The following ESR1 variants were observed in gnomAD, a reference collection of about 807,000 sequenced individuals.
The protein encoded by ESR1 is estrogen receptor.
In ESR1, 12 loss-of-function variants were observed where a neutral mutation model predicts 52.7. That is an observed-to-expected ratio of 0.23 (90% CI 0.15 to 0.37). The LOEUF is 0.37. Ranked by LOEUF, ESR1 falls within the 10% of genes least tolerant of loss-of-function variation. The pLI, the probability that ESR1 is intolerant of heterozygous loss-of-function variation, is 1.00. For synonymous variants in ESR1, 305 were observed against 316.8 expected (o/e 0.96, Z 0.39); for missense variants, 584 against 779.7 (o/e 0.75, Z 2.99).
chr6:152,005,478 G>A (rs2042258719), intron 4 of ESR1, among the ~76,000 whole-genome samples: 1 of 152,002 alleles, frequency 6.6e-6, no homozygotes, highest in Non-Finnish European at 1.5e-5. Flanking sequence ...TAAGTTTGAA[G>A]TTATAAACCT....
At chr6:152,067,633 C>G (rs982033293) in intron 6 of ESR1, among the ~76,000 whole-genome samples, 1 of 152,132 alleles carries the variant, frequency 6.6e-6, no homozygotes, top group Non-Finnish European at 1.5e-5. Context: ...CCAGAACAGC[C>G]TGGCCAACAC....
intron 2 of ESR1, among the ~76,000 whole-genome samples, chr6:151,756,407 C>T (rs1200566763): frequency 6.6e-6 from 1 of 152,116 alleles, no homozygotes; most frequent in Non-Finnish European, 1.5e-5. Flanking sequence ...GCCACCATGC[C>T]TGGCTAATTT....
chr6:151,869,450 A>G (rs530684079), intron 2 of ESR1, among the ~76,000 whole-genome samples: 2 of 152,294 alleles, frequency 1.3e-5, no homozygotes, highest in South Asian at 4.1e-4. Flanking sequence ...GAGCCCTGAG[A>G]AGCATTACTG....
At chr6:151,858,197 G>C (rs12664989) in intron 2 of ESR1, among the ~76,000 whole-genome samples, 5,423 of 152,258 alleles carry the variant, frequency 0.036, 296 homozygotes, top group East Asian at 0.23. Context: ...ACATCAGGTA[G>C]CTGAGGCCAA....
chr6:152,109,691 G>A (rs1374145266), intron 6 of ESR1, among the ~76,000 whole-genome samples: 1 of 152,036 alleles, frequency 6.6e-6, no homozygotes, highest in East Asian at 1.9e-4. Flanking sequence ...TGTCTCAAAC[G>A]ATAACAACAA....
At chr6:152,033,745 A>G (rs1562701419) in intron 5 of ESR1, among the ~76,000 whole-genome samples, 1 of 152,210 alleles carries the variant, frequency 6.6e-6, no homozygotes, top group Non-Finnish European at 1.5e-5. Context: ...GCGATTCCTC[A>G]GGGATCTAGA....
At position 151,944,367 on chromosome 6, in the gene ESR1, T is replaced by C. The variant is rs756874969; in HGVS notation, c.955T>C (p.Leu319=). ...SLTADQMVSA[L]LDAEPPILYS... ...GACGGCCGACCAGATGGTCAGTGCC[T>C]TGTTGGATGCTGAGCCCCCGATACT... The change falls in exon 4 of 8, where the codon TTG becomes CTG. Residue 319 remains leucine (L), a synonymous_variant. Coordinates refer to ENST00000206249, the MANE Select transcript of ESR1 (RefSeq NM_000125.4). 6.2e-7 allele frequency: 1 copy of C among 1,614,016 alleles called. No homozygotes were observed. The highest frequency in any genetic ancestry group is 8.5e-7 in the Non-Finnish European group (1 of 1,179,928).
chr6:151,858,522 C>A (rs762047620), intron 2 of ESR1, among the ~76,000 whole-genome samples: 1 of 152,026 alleles, frequency 6.6e-6, no homozygotes, highest in Non-Finnish European at 1.5e-5. Flanking sequence ...AGTGCCTGAC[C>A]CTCACTTTGA....
At chr6:151,727,510 T>C (rs1451888112) in intron 2 of ESR1, among the ~76,000 whole-genome samples, 2 of 152,216 alleles carry the variant, frequency 1.3e-5, no homozygotes, top group African/African-American at 4.8e-5. Flanking sequence ...CTGGATTCAT[T>C]AATTTTCAAA....
At chr6:151,749,339 G>A (rs1783728609) in intron 2 of ESR1, among the ~76,000 whole-genome samples, 1 of 151,954 alleles carries the variant, frequency 6.6e-6, no homozygotes, top group African/African-American at 2.4e-5. Context: ...GAAAGGTTTT[G>A]ACACATGTGT....
chr6:151,680,491 T>C (rs852000), intron 1 of ESR1, among the ~76,000 whole-genome samples: 87,689 of 151,994 alleles, frequency 0.58, 25,548 homozygotes, highest in African/African-American at 0.67. Context: ...TGAGCCACCA[T>C]GCCCGGCCAG....
At position 152,016,003 on chromosome 6, in the gene ESR1, G is replaced by A. The variant is rs1282909930; in HGVS notation, c.1235+4209G>A. Among the ~76,000 whole-genome samples the A allele has an allele frequency of 5.9e-5, 9 of 152,086 alleles. No individual in the cohort carries two copies. In the South Asian group the frequency reaches 8.3e-4, roughly 14 times the overall value. The stretch of plus-strand genomic sequence containing the variant: ...CACCTTTAATTGTAATAATCCCCAG[G>A]TGTCAAGGGTGGGGCCAGGTGGAGA... On this transcript the variant is annotated intron_variant, in intron 5 of 7. Transcript: ENST00000206249.
At chr6:151,806,367 C>T (rs1239048813), upstream of ESR1, among the ~76,000 whole-genome samples, 1 of 151,932 alleles carries the variant, frequency 6.6e-6, no homozygotes, top group African/African-American at 2.4e-5. Flanking sequence ...ATGAACACTT[C>T]GTCAGATACT....
At chr6:152,022,656 C>T (rs1391642718) in intron 5 of ESR1, among the ~76,000 whole-genome samples, 1 of 151,780 alleles carries the variant, frequency 6.6e-6, no homozygotes, top group Non-Finnish European at 1.5e-5. Flanking sequence ...TTCCTTGTTC[C>T]AAAGGAAGGG....
chr6:152,080,698 C>T (rs1319973711), intron 6 of ESR1, among the ~76,000 whole-genome samples: 2 of 152,122 alleles, frequency 1.3e-5, no homozygotes, highest in Admixed American at 6.5e-5. Context: ...AATTAAAAGA[C>T]ACAGACTGGC....
At chr6:152,123,657 C>G (rs755139373) in intron 6 of ESR1, among the ~76,000 whole-genome samples, 87 of 152,244 alleles carry the variant, frequency 5.7e-4, no homozygotes, top group Non-Finnish European at 1.1e-3. Context: ...TTACGACAGG[C>G]ATTTGGTGTA....
intron 3 of ESR1, among the ~76,000 whole-genome samples, chr6:151,918,285 C>T (rs1449543281): frequency 6.6e-6 from 1 of 152,178 alleles, no homozygotes; most frequent in Non-Finnish European, 1.5e-5. Context: ...AGATCTGCCA[C>T]CCTGGTAGGC....
chr6:152,089,930 A>G (rs2050046497), intron 6 of ESR1, among the ~76,000 whole-genome samples: 1 of 152,204 alleles, frequency 6.6e-6, no homozygotes, highest in South Asian at 2.1e-4. Flanking sequence ...TTTGAGAGGC[A>G]TAGGAACTGG....
At chr6:151,990,114 AAATAT>A (rs745991005) in intron 4 of ESR1, among the ~76,000 whole-genome samples, 25 of 152,176 alleles carry the variant, frequency 1.6e-4, no homozygotes, top group Non-Finnish European at 3.2e-4. Context: ...TAATGTTAAT[AAATAT>A]AAGTTTATTG....
Sources: allele counts gnomAD v4.1 joint callset (sites outside exome capture counted in the v4.1 genomes callset), GRCh38; gene constraint gnomAD v4.1.1; transcripts MANE v1.5; gene names NCBI Gene and HGNC (gene_info 2026-07-23, HGNC 2026-07-21).